The following ADARB2 variants were observed in gnomAD, a reference collection of about 807,000 sequenced individuals.
The protein encoded by ADARB2 is inactive double-stranded RNA-specific editase B2.
A neutral mutation model predicts 62.2 loss-of-function variants in ADARB2; 25 were observed. That is an observed-to-expected ratio of 0.40 (90% CI 0.29 to 0.56). The LOEUF is 0.56. Ranked by LOEUF, ADARB2 falls within the 20% of genes least tolerant of loss-of-function variation. ADARB2 has a pLI of 0.43. For missense variants in ADARB2, 1,071 were observed against 1,077.4 expected, an observed-to-expected ratio of 0.99 and a Z score of 0.08; for synonymous variants, 572 against 500.8, an observed-to-expected ratio of 1.14 and a Z score of -1.90.
chr10:1,280,576 AAGTGACGCTCCGTGAAATTCCTG>A (rs1564245262), intron 3 of ADARB2, among the ~76,000 whole-genome samples: 2 of 149,902 alleles, frequency 1.3e-5, no homozygotes, highest in African/African-American at 5.0e-5. Flanking sequence ...TGAAATTCCT[AAGTGACGCTCCGTGAAATTCCTG>A]AGTGATGCTC....
intron 1 of ADARB2, among the ~76,000 whole-genome samples, chr10:1,478,379 T>A (rs1282228767): frequency 6.6e-6 from 1 of 152,132 alleles, no homozygotes; most frequent in Non-Finnish European, 1.5e-5. Context: ...TGAGAATGCC[T>A]CTGTCATCTG....
chr10:1,195,390 T>A (rs74329327), intron 8 of ADARB2, among the ~76,000 whole-genome samples: 2 of 67,406 alleles, frequency 3.0e-5, no homozygotes, highest in African/African-American at 1.6e-4. Context: ...CTGTACACAG[T>A]TTTTTTTTTG....
chr10:1,217,055 C>G lies in ADARB2; in HGVS notation c.1578G>C (p.Gly526=), dbSNP rs140800577. ...GGCCACGCACGGGGACCGTCCCTTC[C>G]CCGGACTCGATCTTGGTGCGCAGGT... ...RGHLRTKIES[G]EGTVPVRGPS... is the part of the protein sequence containing the mutation. The change falls in exon 7 of 10, where the codon GGG becomes GGC. Residue 526 remains glycine, a synonymous_variant. Coordinates refer to ENST00000381312, the MANE Select transcript of ADARB2 (RefSeq NM_018702.4). 11 of 1,610,444 alleles carry G rather than the reference C, an allele frequency of 6.8e-6. No homozygotes were observed. Among genetic ancestry groups the G allele is most frequent in the East Asian group, 2.2e-5 (1 of 44,750 alleles).
At chr10:1,628,788 G>GA (rs1431332506) in intron 1 of ADARB2, among the ~76,000 whole-genome samples, 1 of 152,206 alleles carries the variant, frequency 6.6e-6, no homozygotes, top group Non-Finnish European at 1.5e-5. Context: ...AAACTATGGA[G>GA]AAAAATGAAA....
At chr10:1,231,090 T>C (rs946847298) in intron 6 of ADARB2, among the ~76,000 whole-genome samples, 1 of 152,098 alleles carries the variant, frequency 6.6e-6, no homozygotes, top group African/African-American at 2.4e-5. Flanking sequence ...GGACTAGAAC[T>C]GTCCCCTGGG....
chr10:1,270,449 G>A (rs1176999147), intron 4 of ADARB2, among the ~76,000 whole-genome samples: 2 of 152,150 alleles, frequency 1.3e-5, no homozygotes, highest in African/African-American at 4.8e-5. Flanking sequence ...TTGGTGGCTC[G>A]TTGTTTCCAC....
chr10:1,646,428 A>G (rs1030796842), intron 1 of ADARB2, among the ~76,000 whole-genome samples: 1 of 152,254 alleles, frequency 6.6e-6, no homozygotes, highest in Admixed American at 6.5e-5. Flanking sequence ...CAGTGGTCTC[A>G]TTGAATAGGA....
At chr10:1,369,878 C>A (rs541096558) in intron 2 of ADARB2, among the ~76,000 whole-genome samples, 42 of 152,270 alleles carry the variant, frequency 2.8e-4, no homozygotes, top group African/African-American at 9.6e-4. Context: ...GCTCGAGGCA[C>A]AGATTGGTGA....
chr10:1,346,341 C>T (rs550059668), intron 3 of ADARB2, among the ~76,000 whole-genome samples: 12 of 152,144 alleles, frequency 7.9e-5, no homozygotes, highest in Non-Finnish European at 1.3e-4. Flanking sequence ...TCTCACCAAC[C>T]GCGAGAACCC....
At chr10:1,188,911 A>T (rs1245283503) in intron 8 of ADARB2, among the ~76,000 whole-genome samples, 1 of 152,226 alleles carries the variant, frequency 6.6e-6, no homozygotes, top group African/African-American at 2.4e-5. Flanking sequence ...GAGGAACCAG[A>T]AGTTTCCTTC....
intron 4 of ADARB2, among the ~76,000 whole-genome samples, chr10:1,263,003 CCAT>C (rs1276178421): frequency 6.6e-6 from 1 of 151,472 alleles, no homozygotes; most frequent in African/African-American, 2.4e-5. Flanking sequence ...AAACTGGAAA[CCAT>C]CATTCTCAGC....
intron 6 of ADARB2, among the ~76,000 whole-genome samples, chr10:1,225,850 C>G (rs1279817186): frequency 6.6e-6 from 1 of 152,048 alleles, no homozygotes; most frequent in Non-Finnish European, 1.5e-5. Flanking sequence ...ACATTTTTTC[C>G]TTCATTTCAA....
chr10:1,627,103 A>T (rs966702607), intron 1 of ADARB2, among the ~76,000 whole-genome samples: 1 of 151,454 alleles, frequency 6.6e-6, no homozygotes, highest in Non-Finnish European at 1.5e-5. Flanking sequence ...TCAGTCACCC[A>T]CTCGAACTGG....
intron 3 of ADARB2, among the ~76,000 whole-genome samples, chr10:1,358,965 A>C (rs1199617478): frequency 6.6e-6 from 1 of 152,214 alleles, no homozygotes; most frequent in Non-Finnish European, 1.5e-5. Context: ...CACAGAAAGA[A>C]AATGCTGAAA....
In ADARB2 at chr10:1,544,825, G is replaced by A. The variant is rs777008220; in HGVS notation, c.101-165665C>T. Among the ~76,000 whole-genome samples, 5 of 152,220 alleles carry A rather than the reference G, an allele frequency of 3.3e-5. No homozygotes were observed. In the Middle Eastern group the frequency reaches 0.01, roughly 311 times the overall value. On this transcript the variant is annotated intron_variant, in intron 1 of 9. Transcript: ENST00000381312. ...ATAACATGTAGGGTGTATATGATAT[G>A]TAAAGAGTATGTAATATGTCAAGTA...
rs532314709 is a variant in ADARB2 at position 1,522,497 on chromosome 10, C to T, written c.101-143337G>A. On this transcript the variant is annotated intron_variant, in intron 1 of 9. Transcript: ENST00000381312. ...CCCCAGCTAGCCATGGTGTAAACCC[C>T]GACTCCCAGGAAGGTCCAGGCCCAG... 1.5e-4 allele frequency among the ~76,000 whole-genome samples: 23 copies of T among 152,232 alleles called. No homozygotes were observed. The South Asian group carries it at 2.1e-3, about 14-fold the overall frequency.
chr10:1,444,375 C>T (rs1358877373), intron 1 of ADARB2, among the ~76,000 whole-genome samples: 1 of 142,032 alleles, frequency 7.0e-6, no homozygotes, highest in African/African-American at 2.6e-5. Flanking sequence ...CCCATCCATC[C>T]ATTCACCATC....
At chr10:1,418,690 A>T (rs1832826592) in intron 1 of ADARB2, among the ~76,000 whole-genome samples, 1 of 152,176 alleles carries the variant, frequency 6.6e-6, no homozygotes. Context: ...GTGACTATCC[A>T]GACTATTTCC....
At chr10:1,327,828 A>T (rs1831886963) in intron 3 of ADARB2, among the ~76,000 whole-genome samples, 1 of 58,134 alleles carries the variant, frequency 1.7e-5, no homozygotes, top group African/African-American at 6.6e-5. Context: ...CTCACAGCTC[A>T]GCACCTCACA....
Sources: allele counts gnomAD v4.1 joint callset (sites outside exome capture counted in the v4.1 genomes callset), GRCh38; gene constraint gnomAD v4.1.1; transcripts MANE v1.5; gene names NCBI Gene and HGNC (gene_info 2026-07-23, HGNC 2026-07-21).